TIMD4: variants seen among roughly 807,000 people sequenced by gnomAD.
The protein encoded by TIMD4 is T-cell immunoglobulin and mucin domain-containing protein 4.
Under a neutral mutation model 41.2 loss-of-function variants are expected in TIMD4, and 31 were observed. That is an observed-to-expected ratio of 0.75 (90% CI 0.57 to 1.01). TIMD4 has a LOEUF of 1.01. Among genes scored for constraint, TIMD4 ranks in the 50% least tolerant of loss-of-function variants. The pLI, the probability that TIMD4 is intolerant of heterozygous loss-of-function variation, is 0.00. For synonymous variants in TIMD4, 204 were observed against 177.1 expected (o/e 1.15, Z -1.21); for missense variants, 479 against 472.5 (o/e 1.01, Z -0.13).
At chr5:156,958,581 G>A (rs1012661124) in intron 1 of TIMD4, among the ~76,000 whole-genome samples, 1 of 152,170 alleles carries the variant, frequency 6.6e-6, no homozygotes, top group Non-Finnish European at 1.5e-5. Flanking sequence ...TTAGCCTCCT[G>A]AGATAAACCA....
chr5:156,920,589 C>T (rs1252237070), intron 7 of TIMD4, 86 bp from the exon 8 acceptor site: 1 of 1,428,658 alleles, frequency 7.0e-7, no homozygotes, highest in Non-Finnish European at 9.9e-7. Context: ...TGCTGCCCCG[C>T]AAAGAGCAGA....
chr5:156,954,735 A>G lies in TIMD4; in HGVS notation c.80T>C (p.Val27Ala), dbSNP rs1021450122. 6.2e-7 allele frequency: 1 copy of G among 1,612,736 alleles called. No individual in the cohort carries two copies. Among genetic ancestry groups the G allele is most frequent in the South Asian group, 1.1e-5 (1 of 90,902 alleles). ...LYLTPVTSET[V>A]VTEVLGHRVT... ...CCGGTGACCCAAAACCTCCGTCACA[A>G]CAGTCTCTGAAGTGACTGGTGCTGC... is the stretch of plus-strand genomic sequence containing the variant. Residue 27 changes from valine to alanine, a missense_variant, in exon 2 of 9, where the codon GTT becomes GCT. By Grantham distance (64) the Val-to-Ala change is moderately conservative (BLOSUM62 0). Coordinates refer to ENST00000274532, the MANE Select transcript of TIMD4 (RefSeq NM_138379.3).
rs561804258 is a variant in TIMD4 at position 156,941,287 on chromosome 5, C to T, written c.844+7129G>A. On this transcript the variant is annotated intron_variant, in intron 5 of 8. Transcript: ENST00000274532. ...TATGACCCTGCCAAATCCCCCTCTC[C>T]GAGAAACACCCAAGAATGATCAATA... Among the ~76,000 whole-genome samples the T allele has an allele frequency of 1.1e-4, 17 of 151,984 alleles. No individual in the cohort carries two copies. In the East Asian group the frequency reaches 1.9e-3, roughly 17 times the overall value.
intron 1 of TIMD4, among the ~76,000 whole-genome samples, chr5:156,962,928 A>G (rs1753099767): frequency 6.6e-6 from 1 of 152,088 alleles, no homozygotes; most frequent in Non-Finnish European, 1.5e-5. Flanking sequence ...AAATTACCCC[A>G]GCCTAAAACC....
chr5:156,951,859 T>C (rs1759867069), intron 2 of TIMD4, 69 bp from the exon 3 acceptor site: 3 of 1,587,892 alleles, frequency 1.9e-6, no homozygotes, highest in Non-Finnish European at 1.7e-6. Flanking sequence ...TGCAAGTATA[T>C]CTGGGACCCA....
intron 2 of TIMD4, among the ~76,000 whole-genome samples, chr5:156,953,653 C>CAAAAA (rs35165963): frequency 3.3e-4 from 19 of 58,446 alleles, no homozygotes; most frequent in Admixed American, 9.6e-4. Flanking sequence ...AAACTCTGTC[C>CAAAAA]AAAAAAAAAA....
At chr5:156,930,672 C>A (rs763668910) in intron 5 of TIMD4, among the ~76,000 whole-genome samples, 1 of 152,120 alleles carries the variant, frequency 6.6e-6, no homozygotes, top group Non-Finnish European at 1.5e-5. Flanking sequence ...TAAACATTTT[C>A]CAGAAGGATA....
chr5:156,920,737 T>C (rs1374563806), intron 7 of TIMD4, among the ~76,000 whole-genome samples: 6 of 152,222 alleles, frequency 3.9e-5, no homozygotes, highest in Non-Finnish European at 1.5e-5. Context: ...GCAATGGTGT[T>C]AAGCTATTTC....
chr5:156,957,911 C>A (rs1760002734), intron 1 of TIMD4, among the ~76,000 whole-genome samples: 1 of 152,102 alleles, frequency 6.6e-6, no homozygotes, highest in South Asian at 2.1e-4. Flanking sequence ...AAGAAGTATT[C>A]CACTGGAGAG....
chr5:156,924,939 TTA>T (rs1759318233), intron 6 of TIMD4, among the ~76,000 whole-genome samples: 2 of 152,096 alleles, frequency 1.3e-5, no homozygotes, highest in Non-Finnish European at 2.9e-5. Flanking sequence ...GGCACAAGGC[TTA>T]GAACTCCCTG....
chr5:156,932,818 A>G (rs1168439878), intron 5 of TIMD4, among the ~76,000 whole-genome samples: 2 of 152,098 alleles, frequency 1.3e-5, no homozygotes, highest in African/African-American at 4.8e-5. Context: ...AGCCTGGCCA[A>G]CATGGTTAAA....
intron 1 of TIMD4, 139 bp from the exon 2 acceptor site, chr5:156,954,895 TGATACAGGGTCTTGC>T: frequency 1.3e-6 from 1 of 768,342 alleles, no homozygotes; most frequent in Non-Finnish European, 2.0e-6. Context: ...TTTTTTTTTT[TGATACAGGGTCTTGC>T]TTTGTCACCC....
intron 5 of TIMD4, among the ~76,000 whole-genome samples, chr5:156,940,369 G>A (rs183855915): frequency 6.6e-5 from 10 of 152,266 alleles, no homozygotes; most frequent in South Asian, 4.1e-4. Flanking sequence ...GCCTCTGCCC[G>A]GCCGCCACCC....
At chr5:156,952,031 T>C (rs1221403933) in intron 2 of TIMD4, among the ~76,000 whole-genome samples, 1 of 152,146 alleles carries the variant, frequency 6.6e-6, no homozygotes, top group East Asian at 1.9e-4. Flanking sequence ...GGTTCACACC[T>C]GTAATCCCAG....
At chr5:156,957,332 G>A (rs955318281) in intron 1 of TIMD4, among the ~76,000 whole-genome samples, 5 of 151,736 alleles carry the variant, frequency 3.3e-5, no homozygotes, top group African/African-American at 1.2e-4. Context: ...TGGCCAACAT[G>A]GTAAAACCCC....
chr5:156,961,808 CAAAAAAAAA>C (rs71578911), intron 1 of TIMD4, among the ~76,000 whole-genome samples: 7 of 27,986 alleles, frequency 2.5e-4, no homozygotes, highest in Non-Finnish European at 4.1e-4. Flanking sequence ...GACTCCGTCT[CAAAAAAAAA>C]AAAAAAAAAA....
At chr5:156,959,492 C>T (rs959835503) in intron 1 of TIMD4, among the ~76,000 whole-genome samples, 6 of 152,110 alleles carry the variant, frequency 3.9e-5, no homozygotes, top group African/African-American at 4.8e-5. Flanking sequence ...GTAAAAGTAT[C>T]CCTGAGTAAA....
At chr5:156,948,612 AAAAC>A (rs1759790802) in intron 4 of TIMD4, 113 bp from the exon 5 acceptor site, 3 of 504,414 alleles carry the variant, frequency 5.9e-6, no homozygotes, top group Non-Finnish European at 9.5e-6. Context: ...AAAACAAAAC[AAAAC>A]AAAGTATGTG....
chr5:156,932,987 G>A (rs560457335), intron 5 of TIMD4, among the ~76,000 whole-genome samples: 57 of 147,140 alleles, frequency 3.9e-4, no homozygotes, highest in Admixed American at 2.0e-3. Flanking sequence ...CTGGGCAACC[G>A]AGTAAGACTC....
Sources: gnomAD v4.1 joint callset for allele counts (sites outside exome capture counted in the v4.1 genomes callset) on GRCh38, gnomAD v4.1.1 for gene constraint, MANE v1.5 for transcripts, NCBI Gene and HGNC (gene_info 2026-07-23, HGNC 2026-07-21) for gene names.